DMP1: variants seen among roughly 807,000 people sequenced by gnomAD.
The protein encoded by DMP1 is dentin matrix acidic phosphoprotein 1.
DMP1 carries 20 observed loss-of-function variants against 14.6 expected under a neutral mutation model. That is an observed-to-expected ratio of 1.37 (90% CI 0.96 to 1.99). DMP1 has a LOEUF of 1.99. Among genes scored for constraint, DMP1 ranks in the 30% most tolerant of loss-of-function variants. The probability of loss-of-function intolerance (pLI) is 0.00; values close to 1 mark genes in which losing one functional copy is unlikely to be tolerated. For synonymous variants in DMP1, 197 were observed against 215.3 expected (o/e 0.91, Z 0.75); for missense variants, 567 against 620.5 (o/e 0.91, Z 0.92).
chr4:87,662,774 C>G lies in DMP1; in HGVS notation c.996C>G (p.Asn332Lys), dbSNP rs200882371. The change falls in exon 6 of 6, where the codon AAC becomes AAG. Residue 332 changes from asparagine (N) to lysine (K), a missense_variant. Coordinates refer to ENST00000339673, the MANE Select transcript of DMP1 (RefSeq NM_004407.4). ...ATCTGTCCCAGGAAGAGAGCCAAAA[C>G]GTAGATGGTCCCAGCAGTGAGTCCA... ...KENLSQEESQ[N>K]VDGPSSESSQ... 406 of 1,613,568 alleles carry G rather than the reference C, an allele frequency of 2.5e-4. No homozygotes were observed. The highest frequency in any genetic ancestry group is 3.2e-4 in the Non-Finnish European group (380 of 1,179,778).
At chr4:87,658,103 A>C (rs1728751001) in intron 3 of DMP1, among the ~76,000 whole-genome samples, 1 of 152,236 alleles carries the variant, frequency 6.6e-6, no homozygotes, top group African/African-American at 2.4e-5. Flanking sequence ...TGGCATGAGA[A>C]AAATAACAAT....
intron 5 of DMP1, among the ~76,000 whole-genome samples, chr4:87,661,246 G>A (rs1369799867): frequency 1.9e-5 from 2 of 107,280 alleles, no homozygotes; most frequent in African/African-American, 3.8e-5. Flanking sequence ...TTTTTGAGAC[G>A]GAGTCTCGCT....
intron 1 of DMP1, among the ~76,000 whole-genome samples, chr4:87,653,267 G>A (rs1728569617): frequency 6.6e-6 from 1 of 151,038 alleles, no homozygotes; most frequent in African/African-American, 2.4e-5. Flanking sequence ...TGAGAAGCCT[G>A]TTCAGGCTCC....
Position 87,662,524 on chromosome 4 carries a change from C to A in DMP1, c.746C>A (p.Ala249Glu), listed in dbSNP as rs1204884799. The change falls in exon 6 of 6, where the codon GCA (alanine) becomes GAA (glutamate). Residue 249 changes from alanine to glutamate, a missense_variant. Coordinates refer to ENST00000339673, the MANE Select transcript of DMP1 (RefSeq NM_004407.4). ...SKESGENSEQ[A>E]NTQDSGGSQL... is the part of the protein sequence containing the mutation. ...GAATCTGGAGAAAACAGTGAGCAAGCAAACACTCAAGATTCAGGTGGCAGC... is the reference window on the plus strand; with the variant it reads ...GAATCTGGAGAAAACAGTGAGCAAGAAAACACTCAAGATTCAGGTGGCAGC... 1.2e-6 allele frequency: 2 copies of A among 1,613,978 alleles called. No individual in the cohort carries two copies. Among genetic ancestry groups the A allele is most frequent in the Admixed American group, 1.7e-5 (1 of 60,000 alleles).
At chr4:87,656,960 G>A (rs773557801) in intron 2 of DMP1, 72 bp from the exon 3 acceptor site, 50 of 943,964 alleles carry the variant, frequency 5.3e-5, no homozygotes, top group Non-Finnish European at 7.7e-5. Flanking sequence ...CTACTCCTAT[G>A]TATGAAATGT....
At chr4:87,652,377 A>G (rs1728549757) in intron 1 of DMP1, among the ~76,000 whole-genome samples, 1 of 152,140 alleles carries the variant, frequency 6.6e-6, no homozygotes, top group African/African-American at 2.4e-5. Flanking sequence ...ACAAAATTAT[A>G]ATTATTTTTA....
chr4:87,662,441 G>C lies in DMP1; in HGVS notation c.663G>C (p.Glu221Asp), dbSNP rs1225736845. The C allele has an allele frequency of 6.2e-7, 1 of 1,614,070 alleles. No homozygotes were observed. The highest frequency in any genetic ancestry group is 8.5e-7 in the Non-Finnish European group (1 of 1,180,046). Residue 221 changes from glutamate to aspartate, a missense_variant, in exon 6 of 6, where the codon GAG (glutamate) becomes GAC (aspartate). Transcript: ENST00000339673. ...AGGGAATGCAGAGTGATGACCCAGA[G>C]AGCATCAGGAGTGAAAGGGGAAACT... ...DDEGMQSDDPESIRSERGNSR... is the reference protein window; with the variant it reads ...DDEGMQSDDPDSIRSERGNSR...
In DMP1 at chr4:87,663,431, CAT is replaced by C. The variant is rs540629188; in HGVS notation, c.*114_*115del. The C allele has an allele frequency of 6.6e-7, 1 of 1,526,324 alleles. No individual in the cohort carries two copies. Among genetic ancestry groups the C allele is most frequent in the South Asian group, 1.1e-5 (1 of 87,968 alleles). The allele number at this position is 1,526,324 out of a possible 1,614,324, so 94.5% of individuals were successfully genotyped here. A position where few individuals can be genotyped will look rare whatever the true frequency, so the allele number is the denominator to read the frequency against. On this transcript the variant is annotated 3_prime_UTR_variant, in exon 6 of 6. Coordinates refer to ENST00000339673, the MANE Select transcript of DMP1 (RefSeq NM_004407.4). ...TTTGATCAAAAGAATAACCAGATGCCATATTTTTCCTGAAAGGAATTGCTGGA... is the reference window on the plus strand; with the variant it reads ...TTTGATCAAAAGAATAACCAGATGCCATTTTTCCTGAAAGGAATTGCTGGA...
At chr4:87,659,538 T>C (rs920953548) in intron 5 of DMP1, 60 bp downstream of exon 5, 12 of 1,457,302 alleles carry the variant, frequency 8.2e-6, no homozygotes, top group Non-Finnish European at 9.6e-6. Flanking sequence ...GAAATGATGT[T>C]AGATTAAATT....
At chr4:87,656,372 T>C in intron 1 of DMP1, 100 bp from the exon 2 acceptor site, 1 of 769,974 alleles carries the variant, frequency 1.3e-6, no homozygotes, top group Non-Finnish European at 2.4e-6. Flanking sequence ...CATCAGTTCA[T>C]GGACATTTGG....
At chr4:87,650,720 C>T (rs1728512368) in intron 1 of DMP1, among the ~76,000 whole-genome samples, 1 of 151,980 alleles carries the variant, frequency 6.6e-6, no homozygotes, top group East Asian at 1.9e-4. Flanking sequence ...ACGTATAAAA[C>T]TTTTACAGTG....
intron 1 of DMP1, among the ~76,000 whole-genome samples, chr4:87,654,630 A>G (rs1222698251): frequency 6.6e-6 from 1 of 152,120 alleles, no homozygotes; most frequent in Admixed American, 6.6e-5. Flanking sequence ...GCAATAGGAG[A>G]AAGGAAGGAC....
chr4:87,659,816 CT>C (rs1375166854), intron 5 of DMP1, among the ~76,000 whole-genome samples: 1 of 152,168 alleles, frequency 6.6e-6, no homozygotes, highest in African/African-American at 2.4e-5. Context: ...TAAAATGTTG[CT>C]TTTACAATTG....
chr4:87,653,405 A>ATATATATATATATATAT (rs1728580996), intron 1 of DMP1, among the ~76,000 whole-genome samples: 5 of 102,022 alleles, frequency 4.9e-5, no homozygotes, highest in Admixed American at 1.0e-4. Context: ...ATATATATAT[A>ATATATATATATATATAT]TATATATATA....
chr4:87,653,728 T>C (rs971950609), intron 1 of DMP1, among the ~76,000 whole-genome samples: 3 of 152,110 alleles, frequency 2.0e-5, no homozygotes, highest in African/African-American at 7.2e-5. Flanking sequence ...TTTTTAAAAC[T>C]CTTCCCAGTT....
rs34488194 is a variant in DMP1 at position 87,664,065 on chromosome 4, AT to A, written c.*758del. 0.47 allele frequency: 70,364 copies of A among 149,168 alleles called. 16,575 individuals are homozygous for A. The highest frequency in any genetic ancestry group is 0.63 in the East Asian group (3,188 of 5,076). The allele number at this position is 149,168 out of a possible 1,614,324, so 9.2% of individuals were successfully genotyped here. A position where few individuals can be genotyped will look rare whatever the true frequency, so the allele number is the denominator to read the frequency against. On this transcript the variant is annotated 3_prime_UTR_variant, in exon 6 of 6. Coordinates refer to ENST00000339673, the MANE Select transcript of DMP1 (RefSeq NM_004407.4). ...CTCCCAATTAATTTACCAATTCATC[AT>A]TTTTTTTTTTTTGTAGAACTCCCAT...
At chr4:87,658,680 T>A (rs1039497893) in intron 3 of DMP1, 1 of 164,666 alleles carries the variant, frequency 6.1e-6, no homozygotes, top group African/African-American at 2.4e-5. Flanking sequence ...GTAAGCACAG[T>A]GGGTGTTAAT....
chr4:87,655,844 A>G (rs1728674482), intron 1 of DMP1, among the ~76,000 whole-genome samples: 1 of 152,170 alleles, frequency 6.6e-6, no homozygotes, highest in South Asian at 2.1e-4. Flanking sequence ...AAATTTCTAT[A>G]TTCCTCTTTC....
chr4:87,659,720 T>C (rs188415499), intron 5 of DMP1, among the ~76,000 whole-genome samples: 16 of 152,206 alleles, frequency 1.1e-4, no homozygotes, highest in Non-Finnish European at 1.9e-4. Context: ...CAAATGTCTC[T>C]CCTAGTTAAA....
Sources: allele counts gnomAD v4.1 joint callset (sites outside exome capture counted in the v4.1 genomes callset), GRCh38; gene constraint gnomAD v4.1.1; transcripts MANE v1.5; gene names NCBI Gene and HGNC (gene_info 2026-07-23, HGNC 2026-07-21).